RBM48: variants seen among roughly 807,000 people sequenced by gnomAD.
The protein encoded by RBM48 is RNA binding motif protein 48, also known as RNA-binding protein 48.
A neutral mutation model predicts 34.8 loss-of-function variants in RBM48; 32 were observed. The ratio of observed to expected loss-of-function variants is 0.92; its 90% CI spans 0.69 to 1.23. The LOEUF (loss-of-function observed/expected upper bound fraction) is 1.23, where lower values mean the gene tolerates loss of function less well. RBM48 is among the 50% of genes most tolerant of loss of function. The probability of loss-of-function intolerance (pLI) is 0.00; values close to 1 mark genes in which losing one functional copy is unlikely to be tolerated. For missense variants in RBM48, 441 were observed against 447.2 expected, an observed-to-expected ratio of 0.99 and a Z score of 0.12; for synonymous variants, 151 against 156.2, an observed-to-expected ratio of 0.97 and a Z score of 0.25.
At chr7:92,529,807 G>C in intron 2 of RBM48, 141 bp downstream of exon 2, 1 of 576,512 alleles carries the variant, frequency 1.7e-6, no homozygotes. Flanking sequence ...CTTTTTAAAA[G>C]TTAACTTTAC....
chr7:92,532,432 A>C lies in RBM48; in HGVS notation c.331A>C (p.Ser111Arg), dbSNP rs1585275563. 1.9e-6 allele frequency: 3 copies of C among 1,611,832 alleles called. No homozygotes were observed. Among genetic ancestry groups the C allele is most frequent in the Non-Finnish European group, 2.5e-6 (3 of 1,178,748 alleles). ...AGCCAAGAGAAAAATGGATGAACAG[A>C]GTTTCTTCGGTGGATTGCTTCATGT... ...RTAKRKMDEQ[S>R]FFGGLLHVCY... The change falls in exon 3 of 5, where the codon AGT becomes CGT. Residue 111 changes from serine (S) to arginine (R), a missense_variant. By Grantham distance (110) the Ser-to-Arg change is moderately radical. Transcript: ENST00000265732.
chr7:92,534,976 G>A lies in RBM48; in HGVS notation c.1017+6G>A, dbSNP rs1793675316. 1 of 1,613,750 alleles carries A rather than the reference G, an allele frequency of 6.2e-7. No homozygotes were observed. The highest frequency in any genetic ancestry group is 8.5e-7 in the Non-Finnish European group (1 of 1,179,832). ...TTCGGCATAAACTTAAAGAGGTAAG[G>A]TTATTTTTAAAAAACTATTCTAAGA... On this transcript the variant is annotated splice_donor_region_variant and intron_variant, in intron 4 of 4. Coordinates refer to ENST00000265732, the MANE Select transcript of RBM48 (RefSeq NM_032120.4).
Position 92,540,032 on chromosome 7 carries a change from A to G in RBM48, c.*3095A>G, listed in dbSNP as rs535626600. On this transcript the variant is annotated 3_prime_UTR_variant, in exon 5 of 5. Transcript: ENST00000265732. ...TACACCATACTTACAGGAAACAGGAATTGTCTATTGCTAAAGAGGTTAAAA... is the reference window on the plus strand; with the variant it reads ...TACACCATACTTACAGGAAACAGGAGTTGTCTATTGCTAAAGAGGTTAAAA... Among the ~76,000 whole-genome samples the G allele has an allele frequency of 6.6e-6, 1 of 152,334 alleles. No individual in the cohort carries two copies. Among genetic ancestry groups the G allele is most frequent in the Admixed American group, 6.5e-5 (1 of 15,304 alleles).
chr7:92,532,653 C>A, intron 3 of RBM48, 104 bp downstream of exon 3: 1 of 776,768 alleles, frequency 1.3e-6, no homozygotes, highest in South Asian at 1.8e-5. Context: ...AGTAAACCAT[C>A]ACAGTATTCA....
chr7:92,533,574 A>G (rs1053162223), intron 3 of RBM48, among the ~76,000 whole-genome samples: 4 of 152,182 alleles, frequency 2.6e-5, no homozygotes, highest in Non-Finnish European at 5.9e-5. Context: ...TGCTGACCTC[A>G]GAATTAAACT....
At chr7:92,531,312 T>A (rs1057341293) in intron 2 of RBM48, among the ~76,000 whole-genome samples, 1 of 152,230 alleles carries the variant, frequency 6.6e-6, no homozygotes, top group African/African-American at 2.4e-5. Flanking sequence ...TTTCTACTGT[T>A]ACTCCTTTCT....
At position 92,536,934 on chromosome 7, in the gene RBM48, A is replaced by T; in HGVS notation, c.1101A>T (p.Ile367=). 6.3e-7 allele frequency: 1 copy of T among 1,592,984 alleles called. No homozygotes were observed. The highest frequency in any genetic ancestry group is 8.5e-7 in the Non-Finnish European group (1 of 1,170,298). Residue 367 remains isoleucine, a synonymous_variant, in exon 5 of 5, where the codon ATA becomes ATT. Coordinates refer to ENST00000265732, the MANE Select transcript of RBM48 (RefSeq NM_032120.4). ...ATCCATTAAAACAAAGAAGAAGAAT[A>T]TAGAGTGCCAGCAGCAACTTAGTAT... ...TSHPLKQRRR[I]
rs777211422 is a variant in RBM48 at position 92,539,061 on chromosome 7, C to T, written c.*2124C>T. On this transcript the variant is annotated 3_prime_UTR_variant, in exon 5 of 5. Transcript: ENST00000265732. Reference sequence around the variant, plus strand: ...GTGGGGCCTGAGATTCTGCATTTTTCCCAAGTCCCTAGGTGCTGCCAGTGC... The same window carrying T: ...GTGGGGCCTGAGATTCTGCATTTTTTCCAAGTCCCTAGGTGCTGCCAGTGC... 2.6e-5 allele frequency among the ~76,000 whole-genome samples: 4 copies of T among 152,160 alleles called. No homozygotes were observed. The highest frequency in any genetic ancestry group is 7.2e-5 in the African/African-American group (3 of 41,446).
At chr7:92,535,989 T>C (rs1333572020) in intron 4 of RBM48, 16 of 372,048 alleles carry the variant, frequency 4.3e-5, no homozygotes, top group Non-Finnish European at 5.6e-5. Flanking sequence ...ATACAAAAAT[T>C]AGCCAGGCGT....
intron 4 of RBM48, chr7:92,536,379 A>G: frequency 2.0e-6 from 2 of 984,872 alleles, no homozygotes; most frequent in Non-Finnish European, 2.4e-6. Context: ...GACTTATTGT[A>G]TACTCTTTGT....
At position 92,533,938 on chromosome 7, in the gene RBM48, C is replaced by T. The variant is rs142273093; in HGVS notation, c.449-464C>T. On this transcript the variant is annotated intron_variant, in intron 3 of 4. Coordinates refer to ENST00000265732, the MANE Select transcript of RBM48 (RefSeq NM_032120.4). ...CAAACACAAGCCAAGGAGCATGATA[C>T]ATCCAGATAGTGGAATACTCTGAAA... Among the ~76,000 whole-genome samples the T allele has an allele frequency of 9.0e-3, 1,138 of 127,048 alleles. 70 individuals are homozygous for T. The highest frequency in any genetic ancestry group is 0.089 in the Admixed American group (1,045 of 11,740). 83.3% of individuals were successfully genotyped at this position (127,048 alleles called of 152,430 possible). A position where few individuals can be genotyped will look rare whatever the true frequency, so the allele number is the denominator to read the frequency against.
intron 4 of RBM48, chr7:92,535,394 T>C: frequency 9.5e-7 from 1 of 1,047,998 alleles, no homozygotes; most frequent in African/African-American, 1.7e-5. Flanking sequence ...TAATTTGCTT[T>C]TGTGATAAAG....
At position 92,537,184 on chromosome 7, in the gene RBM48, G is replaced by T. The variant is rs776449532; in HGVS notation, c.*247G>T. The T allele has an allele frequency of 1.0e-4, 27 of 258,870 alleles. 1 individual carries two copies. Among genetic ancestry groups the T allele is most frequent in the Non-Finnish European group, 2.0e-4 (26 of 132,938 alleles). 16.0% of individuals were successfully genotyped at this position (258,870 alleles called of 1,614,324 possible). Reference sequence around the variant, plus strand: ...TGCAACCTCCACCTCCCGGGTTCAAGCGATTCTCCTGCCTCAGCCTCCTGA... The same window carrying T: ...TGCAACCTCCACCTCCCGGGTTCAATCGATTCTCCTGCCTCAGCCTCCTGA... On this transcript the variant is annotated 3_prime_UTR_variant, in exon 5 of 5. Transcript: ENST00000265732.
intron 3 of RBM48, 146 bp from the exon 4 acceptor site, chr7:92,534,256 A>G (rs1388370473): frequency 1.7e-6 from 2 of 1,200,452 alleles, no homozygotes; most frequent in Non-Finnish European, 2.3e-6. Context: ...CCATGTGAAT[A>G]TATACCCTTC....
At chr7:92,535,217 G>C in intron 4 of RBM48, 4 of 1,380,166 alleles carry the variant, frequency 2.9e-6, no homozygotes, top group Non-Finnish European at 3.7e-6. Flanking sequence ...TTAAAGCAGT[G>C]GTTTCAGCCA....
rs377641940 is a variant in RBM48, at chr7:92,536,832, C to CTT, written c.1018-8_1018-7dup. 71 of 1,152,898 alleles carry CTT rather than the reference C, an allele frequency of 6.2e-5. No homozygotes were observed. Among genetic ancestry groups the CTT allele is most frequent in the Admixed American group, 1.8e-4 (7 of 39,438 alleles). 71.4% of individuals were successfully genotyped at this position (1,152,898 alleles called of 1,614,324 possible). ...CTATAGAAACTAAGTTTTAATGGTT[C>CTT]TTTTTTTTTTTTAATTAGGTAATTT... On this transcript the variant is annotated intron_variant, in intron 4 of 4. Transcript: ENST00000265732.
In RBM48 at chr7:92,538,391, G is replaced by C. The variant is rs76835963; in HGVS notation, c.*1454G>C. Among the ~76,000 whole-genome samples, 1,802 of 152,228 alleles carry C rather than the reference G, an allele frequency of 0.012. 39 individuals are homozygous for C. Among genetic ancestry groups the C allele is most frequent in the African/African-American group, 0.042 (1,740 of 41,510 alleles). On this transcript the variant is annotated 3_prime_UTR_variant, in exon 5 of 5. Transcript: ENST00000265732. The stretch of plus-strand genomic sequence containing the variant: ...GTGGCGTCGGTTGGTTTTGCCACTG[G>C]CTCCATTCCTGTTGTTTTTCAGCTT...
In RBM48 at chr7:92,535,239, CTG is replaced by C. The variant is rs1007322926; in HGVS notation, c.1017+272_1017+273del. ...AGTGGTTTCAGCCAATTAAATCAAT[CTG>C]TGAGAGTGGAGCCCAGGCCTGCCAT... On this transcript the variant is annotated intron_variant, in intron 4 of 4. Transcript: ENST00000265732. The C allele has an allele frequency of 3.0e-6, 4 of 1,352,442 alleles. No homozygotes were observed. The African/African-American group carries it at 6.0e-5, about 20-fold the overall frequency. 83.8% of individuals were successfully genotyped at this position (1,352,442 alleles called of 1,614,324 possible).
At chr7:92,531,267 C>G (rs533292949) in intron 2 of RBM48, among the ~76,000 whole-genome samples, 2 of 152,102 alleles carry the variant, frequency 1.3e-5, no homozygotes, top group Non-Finnish European at 1.5e-5. Context: ...AAAGGTGTAT[C>G]CTGGTCAGAA....
Sources: gnomAD v4.1 joint callset for allele counts (sites outside exome capture counted in the v4.1 genomes callset) on GRCh38, gnomAD v4.1.1 for gene constraint, MANE v1.5 for transcripts, NCBI Gene and HGNC (gene_info 2026-07-23, HGNC 2026-07-21) for gene names.